The following CYB5B variants were observed in gnomAD, a reference collection of about 807,000 sequenced individuals.
CYB5B encodes cytochrome b5 type B.
In CYB5B, 14 loss-of-function variants were observed where a neutral mutation model predicts 21.3. That is an observed-to-expected ratio of 0.66 (90% CI 0.43 to 1.03). The LOEUF (loss-of-function observed/expected upper bound fraction) is 1.03, where lower values mean the gene tolerates loss of function less well. Among genes scored for constraint, CYB5B ranks in the 50% least tolerant of loss-of-function variants. The pLI, the probability that CYB5B is intolerant of heterozygous loss-of-function variation, is 0.00. For synonymous variants in CYB5B, 69 were observed against 68.4 expected (o/e 1.01, Z -0.04); for missense variants, 166 against 185.1 (o/e 0.90, Z 0.60).
chr16:69,427,602 A>T (rs1048969878), intron 1 of CYB5B, among the ~76,000 whole-genome samples: 2 of 152,056 alleles, frequency 1.3e-5, no homozygotes, highest in African/African-American at 4.8e-5. Flanking sequence ...CTGCAGCCTC[A>T]GTCTCCTGGG....
At chr16:69,458,778 C>T (rs2015004944) in intron 3 of CYB5B, among the ~76,000 whole-genome samples, 1 of 152,148 alleles carries the variant, frequency 6.6e-6, no homozygotes, top group Non-Finnish European at 1.5e-5. Context: ...TCATCATGAC[C>T]ACAGAGTAGT....
At chr16:69,452,828 G>C (rs919118639) in intron 3 of CYB5B, among the ~76,000 whole-genome samples, 3 of 151,982 alleles carry the variant, frequency 2.0e-5, no homozygotes, top group African/African-American at 7.2e-5. Context: ...GTAAAACCCT[G>C]TCTCTGCTAA....
rs181501333 is a variant in CYB5B, at chr16:69,447,173, G to A, written c.198G>A (p.Leu66=). The A allele has an allele frequency of 6.2e-7, 1 of 1,614,068 alleles. No homozygotes were observed. Among genetic ancestry groups the A allele is most frequent in the Admixed American group, 1.7e-5 (1 of 60,026 alleles). Residue 66 remains leucine (L), a synonymous_variant, in exon 2 of 5, where the codon CTG becomes CTA. Transcript: ENST00000307892. ...AGCACCCTGGAGGAGAAGAGGTTCT[G>A]CTGGAACAAGCTGGTGTAGATGCAA... ...LNEHPGGEEV[L]LEQAGVDASE...
At chr16:69,459,383 T>A in intron 4 of CYB5B, 1 of 402,954 alleles carries the variant, frequency 2.5e-6, no homozygotes, top group Non-Finnish European at 4.4e-6. Flanking sequence ...TCACACTCAG[T>A]AAGAGGCCAG....
intron 1 of CYB5B, among the ~76,000 whole-genome samples, chr16:69,430,655 C>T (rs981513423): frequency 1.3e-4 from 19 of 149,268 alleles, no homozygotes; most frequent in African/African-American, 4.4e-4. Flanking sequence ...CTTGAAATAA[C>T]ATTGTGATAT....
chr16:69,461,839 T>A (rs2142829544), intron 4 of CYB5B, among the ~76,000 whole-genome samples: 1 of 152,326 alleles, frequency 6.6e-6, no homozygotes, highest in African/African-American at 2.4e-5. Flanking sequence ...TTTCTAGCTT[T>A]GGGATTTGGG....
chr16:69,462,499 A>G lies in CYB5B; in HGVS notation c.432A>G (p.Thr144=), dbSNP rs140114091. 19 of 1,614,062 alleles carry G rather than the reference A, an allele frequency of 1.2e-5. No homozygotes were observed. The East Asian group carries it at 3.6e-4, about 30-fold the overall frequency. Residue 144 remains threonine (T), a synonymous_variant, in exon 5 of 5, where the codon ACA becomes ACG. Coordinates refer to ENST00000307892, the MANE Select transcript of CYB5B (RefSeq NM_030579.3). The part of the protein sequence containing the change: ...VLLGFLYRYY[T]SESKSS ...TAGGTTTCCTGTACCGCTACTACAC[A>G]TCGGAAAGCAAATCCTCCTGAGGAG...
At chr16:69,440,138 G>A (rs1259450000) in intron 1 of CYB5B, among the ~76,000 whole-genome samples, 1 of 152,098 alleles carries the variant, frequency 6.6e-6, no homozygotes, top group African/African-American at 2.4e-5. Flanking sequence ...GCTTCCCAAA[G>A]TCCTGGGATT....
At chr16:69,435,674 G>A (rs1272078973) in intron 1 of CYB5B, among the ~76,000 whole-genome samples, 2 of 152,094 alleles carry the variant, frequency 1.3e-5, no homozygotes, top group Non-Finnish European at 2.9e-5. Context: ...CTCTCACTGT[G>A]TCTCCCAGGC....
At position 69,424,653 on chromosome 16, in the gene CYB5B, G is replaced by A. The variant is rs373526039; in HGVS notation, c.-31G>A. The A allele has an allele frequency of 8.0e-6, 12 of 1,505,954 alleles. 1 individual carries two copies. The African/African-American group carries it at 1.1e-4, about 14-fold the overall frequency. 93.3% of individuals were successfully genotyped at this position (1,505,954 alleles called of 1,614,324 possible). ...GCGCGGGCTCTCAAGGAAAGTAGTC[G>A]CGGAATCTCAGTTAGCGGTGGAGAG... On this transcript the variant is annotated 5_prime_UTR_variant, in exon 1 of 5. Transcript: ENST00000307892.
rs759808758 is a variant in CYB5B at position 69,448,140 on chromosome 16, G to A, written c.329G>A (p.Ser110Asn). The A allele has an allele frequency of 6.2e-7, 1 of 1,612,938 alleles. No homozygotes were observed. The highest frequency in any genetic ancestry group is 1.7e-5 in the Admixed American group (1 of 59,662). Reference sequence around the variant, plus strand: ...AGTGACCTTAAACCTGAAAGTGGTAGCAAGGTAAGAAGTCAGCGGTTTGTC... The same window carrying A: ...AGTGACCTTAAACCTGAAAGTGGTAACAAGGTAAGAAGTCAGCGGTTTGTC... ...HPSDLKPESGSKDPSKNDTCK... is the reference protein window; with the variant it reads ...HPSDLKPESGNKDPSKNDTCK... The change falls in exon 3 of 5, where the codon AGC becomes AAC. Residue 110 changes from serine (S) to asparagine (N), a missense_variant. Physicochemically the swap from Ser to Asn is conservative, Grantham distance 46. Coordinates refer to ENST00000307892, the MANE Select transcript of CYB5B (RefSeq NM_030579.3).
In CYB5B at chr16:69,465,287, G is replaced by A. The variant is rs1042220877; in HGVS notation, c.*2767G>A. 4 of 152,352 alleles carry A rather than the reference G, an allele frequency of 2.6e-5. No individual in the cohort carries two copies. The highest frequency in any genetic ancestry group is 2.1e-4 in the South Asian group (1 of 4,830). 9.4% of individuals were successfully genotyped at this position (152,352 alleles called of 1,614,324 possible). A position where few individuals can be genotyped will look rare whatever the true frequency, so the allele number is the denominator to read the frequency against. On this transcript the variant is annotated 3_prime_UTR_variant, in exon 5 of 5. Transcript: ENST00000307892. ...GAGGTGAGAGAAGTTTCATGCTACC[G>A]AAATAGAGGGTGTTGGTACCACTGC...
chr16:69,428,096 A>T (rs1178830225), intron 1 of CYB5B, among the ~76,000 whole-genome samples: 1 of 151,840 alleles, frequency 6.6e-6, no homozygotes, highest in African/African-American at 2.4e-5. Flanking sequence ...AAGTGCTGAG[A>T]TTACAGGTGT....
chr16:69,427,712 C>T (rs1264056619), intron 1 of CYB5B, among the ~76,000 whole-genome samples: 1 of 152,020 alleles, frequency 6.6e-6, no homozygotes, highest in Non-Finnish European at 1.5e-5. Context: ...ATTGGGGTCC[C>T]ACTGGCTGGG....
chr16:69,455,118 G>A (rs2014970646), intron 3 of CYB5B, among the ~76,000 whole-genome samples: 1 of 151,774 alleles, frequency 6.6e-6, no homozygotes, highest in Non-Finnish European at 1.5e-5. Flanking sequence ...ATGGTCTCGA[G>A]CTCCTGACCT....
chr16:69,426,424 C>G (rs1360212145), intron 1 of CYB5B, among the ~76,000 whole-genome samples: 3 of 149,056 alleles, frequency 2.0e-5, no homozygotes, highest in African/African-American at 7.4e-5. Flanking sequence ...AGTACTTTCC[C>G]GGCCAGGTGT....
At chr16:69,453,573 G>A (rs1042928383) in intron 3 of CYB5B, among the ~76,000 whole-genome samples, 8 of 151,872 alleles carry the variant, frequency 5.3e-5, no homozygotes, top group Non-Finnish European at 8.8e-5. Flanking sequence ...GTTTTTGGGC[G>A]GGGGAACGGA....
intron 1 of CYB5B, among the ~76,000 whole-genome samples, chr16:69,426,747 A>AT (rs71384002): frequency 0.18 from 24,822 of 140,042 alleles, 2,242 homozygotes; most frequent in Middle Eastern, 0.25. Flanking sequence ...GATAGTAGTG[A>AT]TTTTTTTTTT....
intron 1 of CYB5B, among the ~76,000 whole-genome samples, chr16:69,429,823 C>G (rs961470160): frequency 1.8e-4 from 27 of 152,178 alleles, no homozygotes; most frequent in African/African-American, 6.5e-4. Context: ...TGGTATTCAT[C>G]CTTCTCTTTC....
Sources: gnomAD v4.1 joint callset for allele counts (sites outside exome capture counted in the v4.1 genomes callset) on GRCh38, gnomAD v4.1.1 for gene constraint, MANE v1.5 for transcripts, NCBI Gene and HGNC (gene_info 2026-07-23, HGNC 2026-07-21) for gene names.